PLXNA4: variants seen among roughly 807,000 people sequenced by gnomAD.
The protein encoded by PLXNA4 is plexin-A4.
PLXNA4 carries 44 observed loss-of-function variants against 191.8 expected under a neutral mutation model. The ratio of observed to expected loss-of-function variants is 0.23; its 90% confidence interval spans 0.18 to 0.29. The LOEUF is 0.29. PLXNA4 is among the 10% of genes least tolerant of loss of function. PLXNA4 has a pLI of 1.00. For synonymous variants in PLXNA4, 1,082 were observed against 1,009.5 expected (o/e 1.07, Z -1.36); for missense variants, 1,800 against 2,488.8 (o/e 0.72, Z 5.89).
intron 25 of PLXNA4, among the ~76,000 whole-genome samples, chr7:132,149,143 T>G (rs1370212036): frequency 6.6e-6 from 1 of 152,124 alleles, no homozygotes; most frequent in East Asian, 1.9e-4. Flanking sequence ...CTGGCAGGTG[T>G]GTCACCCTTG....
chr7:132,559,978 A>G (rs2116628637), intron 1 of PLXNA4, among the ~76,000 whole-genome samples: 1 of 152,300 alleles, frequency 6.6e-6, no homozygotes, highest in African/African-American at 2.4e-5. Flanking sequence ...AGGCATTCCC[A>G]TGATAAAAAT....
At chr7:132,315,353 G>A (rs1801904428) in intron 3 of PLXNA4, among the ~76,000 whole-genome samples, 1 of 152,160 alleles carries the variant, frequency 6.6e-6, no homozygotes, top group Non-Finnish European at 1.5e-5. Flanking sequence ...TCCAAAACAA[G>A]ATTCACAGCA....
chr7:132,506,859 A>G (rs1317115689), intron 2 of PLXNA4, among the ~76,000 whole-genome samples: 4 of 152,218 alleles, frequency 2.6e-5, no homozygotes, highest in African/African-American at 9.7e-5. Context: ...GGCACTGTGC[A>G]CACAGAAGAT....
intron 2 of PLXNA4, among the ~76,000 whole-genome samples, chr7:132,614,671 A>G (rs1803116480): frequency 6.6e-6 from 1 of 152,230 alleles, no homozygotes; most frequent in South Asian, 2.1e-4. Flanking sequence ...ATGCCTGGCC[A>G]CAGCTGACGG....
intron 2 of PLXNA4, among the ~76,000 whole-genome samples, chr7:132,627,322 C>A (rs540592850): frequency 4.5e-4 from 68 of 152,306 alleles, no homozygotes; most frequent in Non-Finnish European, 6.0e-4. Flanking sequence ...TTTACACACA[C>A]ACACTTTTCC....
rs1331909068 is a variant in PLXNA4, at chr7:132,151,308, A to AGG, written c.4661-2663_4661-2662insCC. ...AGGAGGAGGAAGAAGAAGGAGGAGG[A>AGG]AGAAGGAGGAGGAGGAGGAAGAAGA... On this transcript the variant is annotated intron_variant, in intron 25 of 31. Coordinates refer to ENST00000321063, the MANE Select transcript of PLXNA4 (RefSeq NM_020911.2). 5.7e-3 allele frequency among the ~76,000 whole-genome samples: 287 copies of AGG among 50,194 alleles called. 29 individuals carry two copies. Among genetic ancestry groups the AGG allele is most frequent in the Middle Eastern group, 0.022 (2 of 92 alleles). 32.9% of individuals were successfully genotyped at this position (50,194 alleles called of 152,430 possible).
At chr7:132,279,522 C>G (rs1800400074) in intron 4 of PLXNA4, among the ~76,000 whole-genome samples, 2 of 152,010 alleles carry the variant, frequency 1.3e-5, no homozygotes, top group Admixed American at 1.3e-4. Flanking sequence ...TAGTTCTCAG[C>G]TACTTGGCAG....
intron 3 of PLXNA4, among the ~76,000 whole-genome samples, chr7:132,488,543 C>T (rs1402434838): frequency 2.0e-5 from 3 of 152,194 alleles, no homozygotes; most frequent in Non-Finnish European, 4.4e-5. Context: ...CTCCTGCCTA[C>T]CACCTTAGAA....
At chr7:132,474,624 ACACACACACACACGCGCGCGCACG>A (rs933167922) in intron 3 of PLXNA4, among the ~76,000 whole-genome samples, 3 of 150,082 alleles carry the variant, frequency 2.0e-5, no homozygotes, top group East Asian at 3.9e-4. Flanking sequence ...GCACATGTAC[ACACACACACACACGCGCGCGCACG>A]CACACACACA....
intron 3 of PLXNA4, among the ~76,000 whole-genome samples, chr7:132,404,974 G>A (rs952753543): frequency 6.6e-6 from 1 of 152,030 alleles, no homozygotes; most frequent in African/African-American, 2.4e-5. Context: ...TGTTGTGAAG[G>A]ATCTGAGTCT....
chr7:132,316,339 G>A (rs1334177673), intron 3 of PLXNA4, among the ~76,000 whole-genome samples: 1 of 151,178 alleles, frequency 6.6e-6, no homozygotes, highest in Non-Finnish European at 1.5e-5. Context: ...ACCAGAGTTT[G>A]GGAAAACCTT....
chr7:132,395,585 T>C (rs1281674807), intron 3 of PLXNA4, among the ~76,000 whole-genome samples: 1 of 152,242 alleles, frequency 6.6e-6, no homozygotes, highest in Non-Finnish European at 1.5e-5. Flanking sequence ...GACATGCTGC[T>C]GGGCAGAACC....
intron 3 of PLXNA4, among the ~76,000 whole-genome samples, chr7:132,452,575 G>T (rs1796162308): frequency 6.6e-6 from 1 of 152,196 alleles, no homozygotes; most frequent in Non-Finnish European, 1.5e-5. Context: ...TGCAAGATAT[G>T]GTCTGAAAGG....
intron 1 of PLXNA4, among the ~76,000 whole-genome samples, chr7:132,555,056 A>ACAAAAAAAAAAC (rs1554467879): frequency 6.7e-6 from 1 of 150,316 alleles, no homozygotes; most frequent in African/African-American, 2.5e-5. Flanking sequence ...AAAAAAAAAA[A>ACAAAAAAAAAAC]CAAAAAAAAA....
intron 1 of PLXNA4, among the ~76,000 whole-genome samples, chr7:132,516,264 G>A (rs59447831): frequency 4.4e-4 from 58 of 131,410 alleles, no homozygotes; most frequent in Non-Finnish European, 6.6e-4. Flanking sequence ...TTATTTATTT[G>A]TATTTAAAGG....
At chr7:132,518,248 G>A (rs1283333133) in intron 1 of PLXNA4, among the ~76,000 whole-genome samples, 2 of 152,184 alleles carry the variant, frequency 1.3e-5, no homozygotes, top group African/African-American at 4.8e-5. Context: ...TCAAAGGAAA[G>A]AGCCAGAGGG....
chr7:132,265,273 G>A (rs1799806091), intron 4 of PLXNA4, among the ~76,000 whole-genome samples: 1 of 152,296 alleles, frequency 6.6e-6, no homozygotes, highest in Non-Finnish European at 1.5e-5. Context: ...TAAGCATCTA[G>A]ATCAAAACAG....
intron 20 of PLXNA4, 32 bp from the exon 21 acceptor site, chr7:132,174,952 G>A: frequency 6.2e-7 from 1 of 1,612,274 alleles, no homozygotes. Flanking sequence ...GAGATGGCTG[G>A]ATGGGGAGGC....
intron 1 of PLXNA4, among the ~76,000 whole-genome samples, chr7:132,548,713 G>A (rs1364529865): frequency 6.6e-6 from 1 of 152,142 alleles, no homozygotes; most frequent in Non-Finnish European, 1.5e-5. Flanking sequence ...ATAGGGGATG[G>A]GTAAAATGAG....
Sources: gnomAD v4.1 joint callset for allele counts (sites outside exome capture counted in the v4.1 genomes callset) on GRCh38, gnomAD v4.1.1 for gene constraint, MANE v1.5 for transcripts, NCBI Gene and HGNC (gene_info 2026-07-23, HGNC 2026-07-21) for gene names.